Variants in ACAP3 observed in about 807,000 individuals in gnomAD.
ACAP3 encodes ArfGAP with coiled-coil, ankyrin repeat and PH domains 3.
ACAP3 carries 56 observed loss-of-function variants against 104.1 expected under a neutral mutation model. That is an observed-to-expected ratio of 0.54 (90% confidence interval 0.43 to 0.67). The LOEUF is 0.67. ACAP3 is among the 30% of genes least tolerant of loss of function. The pLI, the probability that ACAP3 is intolerant of heterozygous loss-of-function variation, is 0.00. For synonymous variants in ACAP3, 628 were observed against 496.2 expected (o/e 1.27, Z -3.53); for missense variants, 1,208 against 1,174.9 (o/e 1.03, Z -0.41).
At position 1,304,119 on chromosome 1, in the gene ACAP3, C is replaced by A. The variant is rs368663259; in HGVS notation, c.72G>T (p.Thr24=). 2.2e-4 allele frequency: 345 copies of A among 1,550,716 alleles called. 2 individuals are homozygous for A. Among genetic ancestry groups the A allele is most frequent in the Non-Finnish European group, 2.2e-4 (252 of 1,146,886 alleles). Reference sequence around the variant, plus strand: ...GTTTGGCCTCAATCTCCACCACGTCCGTCTCCACCTCGTCAATGGTCGCCC... The same window carrying A: ...GTTTGGCCTCAATCTCCACCACGTCAGTCTCCACCTCGTCAATGGTCGCCC... ...RFRATIDEVE[T]DVVEIEAKLD... is the part of the protein sequence containing the mutation. Residue 24 remains threonine (T), a synonymous_variant, in exon 2 of 24, where the codon ACG becomes ACT. Transcript: ENST00000354700.
chr1:1,298,733 T>A, intron 10 of ACAP3, 54 bp from the exon 11 acceptor site: 1 of 1,400,454 alleles, frequency 7.1e-7, no homozygotes, highest in Non-Finnish European at 1.0e-6. Context: ...CCTGCTACCC[T>A]CCGTGCTTTC....
At chr1:1,302,406 G>GCTGGGC (rs1641483536) in intron 4 of ACAP3, among the ~76,000 whole-genome samples, 1 of 152,074 alleles carries the variant, frequency 6.6e-6, no homozygotes, top group Non-Finnish European at 1.5e-5. Flanking sequence ...GCACCCAGGG[G>GCTGGGC]CTGGGCCTGG....
chr1:1,302,160 G>C, intron 4 of ACAP3, 114 bp from the exon 5 acceptor site: 1 of 950,968 alleles, frequency 1.1e-6, no homozygotes, highest in Non-Finnish European at 1.5e-6. Context: ...GCAGGGGCGG[G>C]TCCCACCCTG....
In ACAP3 at chr1:1,298,056, C is replaced by T; in HGVS notation, c.973G>A (p.Asp325Asn). 1.9e-6 allele frequency: 3 copies of T among 1,611,540 alleles called. No homozygotes were observed. In the East Asian group the frequency reaches 6.7e-5, roughly 36 times the overall value. The change falls in exon 13 of 24, where the codon GAC (aspartate) becomes AAC (asparagine). Residue 325 changes from aspartate to asparagine, a missense_variant. Coordinates refer to ENST00000354700, the MANE Select transcript of ACAP3 (RefSeq NM_030649.3). ...TCGAAGCAGAACCTCCGCTCGATGT[C>T]CTCACACGGCTTCACAGAGCACAGG... ...LRLCSVKPCE[D>N]IERRFCFEVL...
chr1:1,306,846 G>A (rs968982797), intron 1 of ACAP3, among the ~76,000 whole-genome samples: 2 of 152,214 alleles, frequency 1.3e-5, no homozygotes, highest in African/African-American at 4.8e-5. Context: ...TTGCTGACAT[G>A]GCTAACACAG....
chr1:1,298,344 GC>G (rs1641288393), intron 12 of ACAP3, 25 bp downstream of exon 12: 2 of 1,605,568 alleles, frequency 1.2e-6, no homozygotes, highest in Non-Finnish European at 1.7e-6. Context: ...AGCCATCAGG[GC>G]CCCAGCCCCA....
chr1:1,294,638 G>C lies in ACAP3; in HGVS notation c.1913-10C>G. On this transcript the variant is annotated splice_polypyrimidine_tract_variant and intron_variant, in intron 20 of 23. Transcript: ENST00000354700. Reference sequence around the variant, plus strand: ...TCCGACTCTGCACCCTCTGTGGGGAGGGGGCGGTCAGGGAAAGCAACCCCC... The same window carrying C: ...TCCGACTCTGCACCCTCTGTGGGGACGGGGCGGTCAGGGAAAGCAACCCCC... 1 of 1,529,980 alleles carries C rather than the reference G, an allele frequency of 6.5e-7. No homozygotes were observed. The highest frequency in any genetic ancestry group is 8.8e-7 in the Non-Finnish European group (1 of 1,136,210). 94.8% of individuals were successfully genotyped at this position (1,529,980 alleles called of 1,614,324 possible). A position where few individuals can be genotyped will look rare whatever the true frequency, so the allele number is the denominator to read the frequency against.
intron 9 of ACAP3, 190 bp from the exon 10 acceptor site, chr1:1,299,546 G>A (rs888880021): frequency 2.0e-5 from 16 of 790,742 alleles, no homozygotes; most frequent in African/African-American, 8.9e-5. Flanking sequence ...GATGGTGGCC[G>A]GGGCTGCTGT....
rs779565432 is a variant in ACAP3 at position 1,295,478 on chromosome 1, G to A, written c.1782C>T (p.Phe594=). Residue 594 remains phenylalanine (F), a synonymous_variant, in exon 19 of 24, where the codon TTC becomes TTT. Coordinates refer to ENST00000354700, the MANE Select transcript of ACAP3 (RefSeq NM_030649.3). ...GGCCAGCCCCTGCGGCCCCTGCGTC[G>A]AAGTAGGAGAAGAGCGAGTCCAGCT... ...PDELDSLFSY[F]DAGAAGAGPR... 6.5e-5 allele frequency: 105 copies of A among 1,612,576 alleles called. No individual in the cohort carries two copies. The highest frequency in any genetic ancestry group is 8.3e-5 in the Admixed American group (5 of 60,006).
rs537338848 is a variant in ACAP3 at position 1,295,285 on chromosome 1, CCT to C, written c.1813+160_1813+161del. Among the ~76,000 whole-genome samples, 50 of 152,274 alleles carry C rather than the reference CCT, an allele frequency of 3.3e-4. No individual in the cohort carries two copies. In the South Asian group the frequency reaches 9.5e-3, roughly 29 times the overall value. On this transcript the variant is annotated intron_variant, in intron 19 of 23. Transcript: ENST00000354700. ...CACACACACATTTGCACAGCTCACC[CCT>C]GACAGTCAGGGCCTTGGCCTCCAGC...
rs754040022 is a variant in ACAP3, at chr1:1,298,400, G to A, written c.885C>T (p.Asn295=). The A allele has an allele frequency of 2.5e-6, 4 of 1,602,896 alleles. No individual in the cohort carries two copies. The South Asian group carries it at 4.4e-5, about 18-fold the overall frequency. Reference sequence around the variant, plus strand: ...GCTTCTTCTGGTAGACCAGCTGGCTGTTCTGAATGGAGAACCAGCGCCTAG... The same window carrying A: ...GCTTCTTCTGGTAGACCAGCTGGCTATTCTGAATGGAGAACCAGCGCCTAG... ...TWNRRWFSIQ[N]SQLVYQKKLK... Residue 295 remains asparagine, a synonymous_variant, in exon 12 of 24, where the codon AAC becomes AAT. Transcript: ENST00000354700.
rs867933652 is a variant in ACAP3, at chr1:1,295,716, G to C, written c.1705+20C>G. 1 of 1,587,986 alleles carries C rather than the reference G, an allele frequency of 6.3e-7. No homozygotes were observed. Among genetic ancestry groups the C allele is most frequent in the Non-Finnish European group, 8.6e-7 (1 of 1,168,188 alleles). ...ACCAAGGCAAGCCCCTCCCAGCCCT[G>C]CCGGGGCATGGCCTCCCACCTGAGG... On this transcript the variant is annotated intron_variant, in intron 18 of 23. Coordinates refer to ENST00000354700, the MANE Select transcript of ACAP3 (RefSeq NM_030649.3).
At position 1,293,885 on chromosome 1, in the gene ACAP3, G is replaced by C; in HGVS notation, c.2298C>G (p.Asp766Glu). 2 of 1,583,824 alleles carry C rather than the reference G, an allele frequency of 1.3e-6. No individual in the cohort carries two copies. The highest frequency in any genetic ancestry group is 1.7e-6 in the Non-Finnish European group (2 of 1,167,634). ...TGGCCAACGGGTCCCGCTGCTCTTG[G>C]TCCAGGGCGTGCTGGTCCGCGCCCC... Reference protein sequence around the residue: ...LKRGADQHALDQEQRDPLAIA... With the variant: ...LKRGADQHALEQEQRDPLAIA... Residue 766 changes from aspartate (D) to glutamate (E), a missense_variant, in exon 23 of 24, where the codon GAC becomes GAG. Transcript: ENST00000354700.
Position 1,307,861 on chromosome 1 carries a change from G to C in ACAP3, c.-46C>G, listed in dbSNP as rs1641814678. 14 of 996,924 alleles carry C rather than the reference G, an allele frequency of 1.4e-5. No homozygotes were observed. The highest frequency in any genetic ancestry group is 1.8e-5 in the African/African-American group (1 of 57,102). 61.8% of individuals were successfully genotyped at this position (996,924 alleles called of 1,614,324 possible). On this transcript the variant is annotated 5_prime_UTR_variant, in exon 1 of 24. Coordinates refer to ENST00000354700, the MANE Select transcript of ACAP3 (RefSeq NM_030649.3). Reference sequence around the variant, plus strand: ...TCACTGGCACGAGGACCGCGGCGCCGAGCGGCAGCCGCGCCGGCCCGGACC... The same window carrying C: ...TCACTGGCACGAGGACCGCGGCGCCCAGCGGCAGCCGCGCCGGCCCGGACC...
At chr1:1,301,686 C>A in intron 5 of ACAP3, 1 of 276,886 alleles carries the variant, frequency 3.6e-6, no homozygotes, top group Non-Finnish European at 6.7e-6. Context: ...CAGCCCCTCC[C>A]CACCTCACTC....
In ACAP3 at chr1:1,303,098, G is replaced by A. The variant is rs1641522932; in HGVS notation, c.225+64C>T. 6.4e-7 allele frequency: 1 copy of A among 1,556,494 alleles called. No homozygotes were observed. The highest frequency in any genetic ancestry group is 8.7e-7 in the Non-Finnish European group (1 of 1,149,750). On this transcript the variant is annotated intron_variant, in intron 3 of 23. Transcript: ENST00000354700. The surrounding 1 kb of genome is among the most constrained non-coding windows in gnomAD (Gnocchi z 4.0). ...TGCTTCTGGCCTGGACGCCCTCAAG[G>A]GGCTGCCTCCCTCGGCCTCTCCCCC...
rs867933652 is a variant in ACAP3, at chr1:1,295,716, G to A, written c.1705+20C>T. 6.3e-7 allele frequency: 1 copy of A among 1,588,104 alleles called. No individual in the cohort carries two copies. The highest frequency in any genetic ancestry group is 1.9e-4 in the Middle Eastern group (1 of 5,378). ...ACCAAGGCAAGCCCCTCCCAGCCCT[G>A]CCGGGGCATGGCCTCCCACCTGAGG... On this transcript the variant is annotated intron_variant, in intron 18 of 23. Coordinates refer to ENST00000354700, the MANE Select transcript of ACAP3 (RefSeq NM_030649.3).
Position 1,294,615 on chromosome 1 carries a change from C to G in ACAP3, c.1926G>C (p.Ser642=). 6.6e-7 allele frequency: 1 copy of G among 1,524,986 alleles called. No individual in the cohort carries two copies. The highest frequency in any genetic ancestry group is 1.2e-5 in the South Asian group (1 of 81,466). The allele number at this position is 1,524,986 out of a possible 1,614,324, so 94.5% of individuals were successfully genotyped here. ...CGTCTGCCTCACCGCTGGACTCCTCCGACTCTGCACCCTCTGTGGGGAGGG... is the reference window on the plus strand; with the variant it reads ...CGTCTGCCTCACCGCTGGACTCCTCGGACTCTGCACCCTCTGTGGGGAGGG... The part of the protein sequence containing the change: ...DSVTEEEGAE[S]EESSGEADGD... The change falls in exon 21 of 24, where the codon TCG becomes TCC. Residue 642 remains serine, a synonymous_variant. Transcript: ENST00000354700.
At chr1:1,298,176 C>T (rs34766586) in intron 12 of ACAP3, 63 bp from the exon 13 acceptor site, 1 of 1,564,472 alleles carries the variant, frequency 6.4e-7, no homozygotes, top group Non-Finnish European at 8.7e-7. Flanking sequence ...CACCCACTTC[C>T]TGCTTCACCT....
Sources: allele counts gnomAD v4.1 joint callset (sites outside exome capture counted in the v4.1 genomes callset), GRCh38; gene constraint gnomAD v4.1.1; non-coding constraint Gnocchi (gnomAD v3.1); transcripts MANE v1.5; gene names NCBI Gene and HGNC (gene_info 2026-07-23, HGNC 2026-07-21).